Variants in SMOC2 observed in about 807,000 individuals in gnomAD.
SMOC2 encodes SPARC-related modular calcium-binding protein 2.
SMOC2 carries 39 observed loss-of-function variants against 61.4 expected under a neutral mutation model. The observed-to-expected ratio is 0.64, with a 90% CI of 0.49 to 0.83. The LOEUF (loss-of-function observed/expected upper bound fraction) is 0.83. Among genes scored for constraint, SMOC2 ranks in the 40% least tolerant of loss-of-function variants. SMOC2 has a pLI of 0.00. For synonymous variants in SMOC2, 247 were observed against 239.9 expected (o/e 1.03, Z -0.27); for missense variants, 556 against 592.9 (o/e 0.94, Z 0.65).
Position 168,625,386 on chromosome 6 carries a change from C to T in SMOC2, c.907+17147C>T, listed in dbSNP as rs541236197. On this transcript the variant is annotated intron_variant, in intron 9 of 12. Coordinates refer to ENST00000356284, the MANE Select transcript of SMOC2 (RefSeq NM_001166412.2). The stretch of plus-strand genomic sequence containing the variant: ...TGGAGCAGGTTGTGAGCAGAGAGCA[C>T]TGGGTCCAGCTCCTCGCTGTGCCGG... Among the ~76,000 whole-genome samples, 8 of 152,352 alleles carry T rather than the reference C, an allele frequency of 5.3e-5. No individual in the cohort carries two copies. In the East Asian group the frequency reaches 1.4e-3, roughly 26 times the overall value.
intron 8 of SMOC2, among the ~76,000 whole-genome samples, chr6:168,603,436 G>A (rs1785608256): frequency 6.6e-6 from 1 of 151,988 alleles, no homozygotes; most frequent in African/African-American, 2.4e-5. Flanking sequence ...CCCCTGGGAA[G>A]CTGCTGGGAC....
chr6:168,616,709 G>C (rs186942552), intron 9 of SMOC2, among the ~76,000 whole-genome samples: 1 of 152,220 alleles, frequency 6.6e-6, no homozygotes, highest in East Asian at 1.9e-4. Context: ...CATTAAATCA[G>C]TTTTATTGAG....
intron 9 of SMOC2, among the ~76,000 whole-genome samples, chr6:168,633,434 A>C (rs1202059012): frequency 6.6e-6 from 1 of 152,186 alleles, no homozygotes; most frequent in East Asian, 1.9e-4. Flanking sequence ...CTCGCTGCAC[A>C]CCGGCTTTGC....
chr6:168,573,863 G>T (rs58414524), intron 7 of SMOC2, among the ~76,000 whole-genome samples: 1 of 151,980 alleles, frequency 6.6e-6, no homozygotes, highest in Non-Finnish European at 1.5e-5. Context: ...TTTTAAAATA[G>T]AAGTCCCAGA....
intron 1 of SMOC2, among the ~76,000 whole-genome samples, chr6:168,476,275 A>G (rs796564658): frequency 2.7e-4 from 41 of 152,272 alleles, no homozygotes; most frequent in African/African-American, 8.4e-4. Flanking sequence ...TAGTTAATCA[A>G]TCACTCACTA....
chr6:168,644,401 C>G (rs1033487888), intron 9 of SMOC2, among the ~76,000 whole-genome samples: 2 of 152,144 alleles, frequency 1.3e-5, no homozygotes, highest in African/African-American at 4.8e-5. Context: ...GTGAAAAGAC[C>G]CAGCCAAATG....
intron 1 of SMOC2, among the ~76,000 whole-genome samples, chr6:168,451,599 G>GTCTCTCTCTCTCTC (rs59096709): frequency 9.6e-5 from 14 of 145,630 alleles, no homozygotes; most frequent in South Asian, 4.5e-4. Context: ...CTCTGTCTCT[G>GTCTCTCTCTCTCTC]TCTCTCTCTC....
At chr6:168,499,159 C>A (rs1483172412) in intron 1 of SMOC2, among the ~76,000 whole-genome samples, 6 of 150,310 alleles carry the variant, frequency 4.0e-5, no homozygotes, top group South Asian at 2.1e-4. Flanking sequence ...CTGTCTACTA[C>A]ACATGGAAAC....
rs1319094545 is a variant in SMOC2 at position 168,535,905 on chromosome 6, A to G, written c.464-7720A>G. Among the ~76,000 whole-genome samples the G allele has an allele frequency of 6.6e-6, 1 of 152,230 alleles. No homozygotes were observed. The highest frequency in any genetic ancestry group is 1.5e-5 in the Non-Finnish European group (1 of 68,036). On this transcript the variant is annotated intron_variant, in intron 4 of 12. Transcript: ENST00000356284. This position sits in a 1 kb window ranked among gnomAD's most constrained non-coding sequence, Gnocchi z 4.6. Reference sequence around the variant, plus strand: ...CCGGGGGAAGATGGGAGGGAGACGCATGAGCAGTGACAGGGATCCTGGGGA... The same window carrying G: ...CCGGGGGAAGATGGGAGGGAGACGCGTGAGCAGTGACAGGGATCCTGGGGA...
intron 1 of SMOC2, among the ~76,000 whole-genome samples, chr6:168,451,280 C>T (rs1294019127): frequency 2.0e-5 from 3 of 152,228 alleles, no homozygotes; most frequent in African/African-American, 4.8e-5. Flanking sequence ...AGCTTACACT[C>T]ATCCAATAAT....
chr6:168,546,427 T>C (rs532633198), intron 5 of SMOC2, among the ~76,000 whole-genome samples: 1 of 152,224 alleles, frequency 6.6e-6, no homozygotes. Flanking sequence ...GGGCCCAATG[T>C]GTGTGTGTCA....
At chr6:168,603,000 G>A (rs924937692) in intron 8 of SMOC2, among the ~76,000 whole-genome samples, 8 of 152,260 alleles carry the variant, frequency 5.3e-5, no homozygotes, top group African/African-American at 1.9e-4. Context: ...ACATGTCGTG[G>A]GAGGGACCTA....
At chr6:168,573,169 C>G (rs1353734922) in intron 7 of SMOC2, among the ~76,000 whole-genome samples, 1 of 6,462 alleles carries the variant, frequency 1.5e-4, no homozygotes. Flanking sequence ...TTCACTTCCT[C>G]CCCGCATCCC....
intron 8 of SMOC2, among the ~76,000 whole-genome samples, chr6:168,599,723 C>G (rs549732384): frequency 7.0e-6 from 1 of 143,426 alleles, no homozygotes; most frequent in Admixed American, 7.0e-5. Context: ...CACACAACCA[C>G]TAATACTCTC....
intron 4 of SMOC2, among the ~76,000 whole-genome samples, chr6:168,539,713 G>A (rs1191289357): frequency 6.6e-6 from 1 of 152,244 alleles, no homozygotes; most frequent in Non-Finnish European, 1.5e-5. Context: ...CCCTGTGGTG[G>A]TGGATGGGCT....
At chr6:168,492,772 C>G (rs1009341891) in intron 1 of SMOC2, among the ~76,000 whole-genome samples, 5 of 152,192 alleles carry the variant, frequency 3.3e-5, no homozygotes, top group African/African-American at 1.2e-4. Context: ...GACGCTCTCC[C>G]ACCACCACAA....
At chr6:168,533,097 G>A (rs574059963) in intron 4 of SMOC2, among the ~76,000 whole-genome samples, 125 of 151,938 alleles carry the variant, frequency 8.2e-4, no homozygotes, top group Non-Finnish European at 1.5e-3. Context: ...GCCTCTCTGC[G>A]GTCTGAATTT....
intron 11 of SMOC2, among the ~76,000 whole-genome samples, chr6:168,653,507 C>T (rs542101799): frequency 6.6e-6 from 1 of 152,352 alleles, no homozygotes. Context: ...TGGCTTCCCC[C>T]AGAATGGATT....
chr6:168,518,912 AGTGAGC>A (rs1384462491), intron 2 of SMOC2, among the ~76,000 whole-genome samples: 2 of 148,076 alleles, frequency 1.4e-5, no homozygotes, highest in Non-Finnish European at 3.0e-5. Context: ...TGCATGTGTG[AGTGAGC>A]ATGAGTGTGC....
Sources: gnomAD v4.1 joint callset for allele counts (sites outside exome capture counted in the v4.1 genomes callset) on GRCh38, gnomAD v4.1.1 for gene constraint, Gnocchi (gnomAD v3.1) non-coding constraint, MANE v1.5 for transcripts, NCBI Gene and HGNC (gene_info 2026-07-23, HGNC 2026-07-21) for gene names.